The following CRACR2A variants were observed in gnomAD, a reference collection of about 807,000 sequenced individuals.
CRACR2A encodes the protein calcium release activated channel regulator 2A.
CRACR2A carries 79 observed loss-of-function variants against 90.5 expected under a neutral mutation model. The observed-to-expected ratio is 0.87, with a 90% CI of 0.73 to 1.05. The LOEUF is 1.05. Ranked by LOEUF, CRACR2A falls within the 50% of genes least tolerant of loss-of-function variation. CRACR2A has a pLI of 0.00. For missense variants in CRACR2A, 823 were observed against 897.2 expected (o/e 0.92, Z 1.06); for synonymous variants, 338 against 356.7 (o/e 0.95, Z 0.59).
intron 15 of CRACR2A, among the ~76,000 whole-genome samples, chr12:3,631,048 G>C (rs1336322861): frequency 5.3e-5 from 8 of 152,226 alleles, no homozygotes; most frequent in Non-Finnish European, 1.2e-4. Context: ...CTGTGACTCT[G>C]TGGCTGTTAT....
chr12:3,648,660 G>C (rs140483672), intron 10 of CRACR2A, 47 bp from the exon 11 acceptor site: 2 of 1,586,206 alleles, frequency 1.3e-6, no homozygotes, highest in Non-Finnish European at 1.7e-6. Context: ...GGTGGAAGCC[G>C]GATGCCCGGA....
intron 3 of CRACR2A, among the ~76,000 whole-genome samples, chr12:3,701,472 A>C (rs996424813): frequency 6.6e-6 from 1 of 152,208 alleles, no homozygotes; most frequent in African/African-American, 2.4e-5. Flanking sequence ...CAATAGTAGC[A>C]ATGTGAGGTG....
Position 3,677,529 on chromosome 12 carries a change from C to T in CRACR2A, c.524+1386G>A, listed in dbSNP as rs143852820. On this transcript the variant is annotated intron_variant, in intron 6 of 19. Coordinates refer to ENST00000440314, the MANE Select transcript of CRACR2A (RefSeq NM_001144958.2). ...CTGCTACCCTGCAGTGAGGGCTGGG[C>T]AGAGAGGCCCCTTCCTTCCGTTACG... is the stretch of plus-strand genomic sequence containing the variant. Among the ~76,000 whole-genome samples the T allele has an allele frequency of 5.2e-4, 79 of 152,304 alleles. 1 individual carries two copies. The East Asian group carries it at 0.013, about 24-fold the overall frequency.
intron 1 of CRACR2A, among the ~76,000 whole-genome samples, chr12:3,735,467 A>G (rs1443752595): frequency 6.6e-6 from 1 of 152,272 alleles, no homozygotes; most frequent in Non-Finnish European, 1.5e-5. Flanking sequence ...GTAAGTAAAT[A>G]GTAATAAAAT....
Position 3,746,646 on chromosome 12 carries a change from T to C in CRACR2A, c.-387+6369A>G, listed in dbSNP as rs1946631965. ...CCTCAAAGGGAGTATGCATGCCTAC[T>C]ACAGGGACCACCCCTCTCTTCTTAG... On this transcript the variant is annotated intron_variant, in intron 1 of 19. Transcript: ENST00000440314. The surrounding 1 kb of genome is among the most constrained non-coding windows in gnomAD (Gnocchi z 4.4). Among the ~76,000 whole-genome samples, 3 of 152,232 alleles carry C rather than the reference T, an allele frequency of 2.0e-5. No individual in the cohort carries two copies. The highest frequency in any genetic ancestry group is 2.0e-4 in the Admixed American group (3 of 15,280).
At chr12:3,694,652 A>T (rs1945707306) in intron 4 of CRACR2A, among the ~76,000 whole-genome samples, 1 of 152,146 alleles carries the variant, frequency 6.6e-6, no homozygotes. Context: ...ACAGCTGACC[A>T]TGAGAAGCCT....
At chr12:3,644,564 C>A in intron 12 of CRACR2A, 31 bp downstream of exon 12, 2 of 1,550,146 alleles carry the variant, frequency 1.3e-6, no homozygotes, top group African/African-American at 1.4e-5. Context: ...GCCCTTGGTC[C>A]CCCACAGGTA....
chr12:3,630,360 G>A (rs1378747873), intron 15 of CRACR2A, among the ~76,000 whole-genome samples: 3 of 152,182 alleles, frequency 2.0e-5, no homozygotes, highest in African/African-American at 7.2e-5. Flanking sequence ...GCCCTGAGCT[G>A]TCATAAGGCA....
At chr12:3,729,839 G>A (rs1946332221) in intron 2 of CRACR2A, 1 of 152,254 alleles carries the variant, frequency 6.6e-6, no homozygotes, top group African/African-American at 2.4e-5. Flanking sequence ...ACTTCACTCT[G>A]CTACTGTTTC....
chr12:3,676,589 T>A (rs242034), intron 6 of CRACR2A, among the ~76,000 whole-genome samples: 56,016 of 152,084 alleles, frequency 0.37, 10,696 homozygotes, highest in Middle Eastern at 0.47. Context: ...TCACCCTTCC[T>A]GCCATATGAG....
intron 17 of CRACR2A, among the ~76,000 whole-genome samples, chr12:3,624,730 G>T (rs1187090200): frequency 6.6e-6 from 1 of 152,170 alleles, no homozygotes; most frequent in African/African-American, 2.4e-5. Context: ...CTACTCACAG[G>T]GTCATCCCTG....
intron 1 of CRACR2A, among the ~76,000 whole-genome samples, chr12:3,750,860 G>T (rs182249260): frequency 1.5e-3 from 232 of 152,284 alleles, no homozygotes; most frequent in Middle Eastern, 3.4e-3. Flanking sequence ...GATGGCTACT[G>T]CGGCCACTGC....
chr12:3,749,042 C>T (rs1427579449), intron 1 of CRACR2A, among the ~76,000 whole-genome samples: 1 of 152,230 alleles, frequency 6.6e-6, no homozygotes, highest in Non-Finnish European at 1.5e-5. Flanking sequence ...CAAATCCTGC[C>T]TCTACCGTGT....
intron 1 of CRACR2A, among the ~76,000 whole-genome samples, chr12:3,738,933 G>A (rs913599416): frequency 6.6e-6 from 1 of 152,074 alleles, no homozygotes; most frequent in African/African-American, 2.4e-5. Context: ...GAAGGCAGTG[G>A]TAAAATACCT....
In CRACR2A at chr12:3,749,928, T is replaced by A. The variant is rs1320404423; in HGVS notation, c.-387+3087A>T. On this transcript the variant is annotated intron_variant, in intron 1 of 19. Coordinates refer to ENST00000440314, the MANE Select transcript of CRACR2A (RefSeq NM_001144958.2). ...CTATAGAACTGTCCCCAGGGCTATT[T>A]TTTTTATTTTTTATTTTTATTTTTT... Among the ~76,000 whole-genome samples, 4 of 151,928 alleles carry A rather than the reference T, an allele frequency of 2.6e-5. No individual in the cohort carries two copies. The East Asian group carries it at 7.7e-4, about 29-fold the overall frequency.
intron 4 of CRACR2A, among the ~76,000 whole-genome samples, chr12:3,687,356 G>A (rs1405095527): frequency 6.6e-6 from 1 of 151,914 alleles, no homozygotes; most frequent in Non-Finnish European, 1.5e-5. Context: ...ATCCTCCACT[G>A]TCCAACCAGC....
intron 7 of CRACR2A, among the ~76,000 whole-genome samples, chr12:3,664,419 TAA>T (rs1369326747): frequency 6.6e-6 from 1 of 152,244 alleles, no homozygotes; most frequent in African/African-American, 2.4e-5. Context: ...GCAAATTTGT[TAA>T]AGTCTAAAGT....
intron 2 of CRACR2A, among the ~76,000 whole-genome samples, chr12:3,715,232 G>C (rs185130413): frequency 2.0e-5 from 3 of 152,354 alleles, no homozygotes; most frequent in Non-Finnish European, 4.4e-5. Context: ...ATAAATCATG[G>C]TAACTGCAGT....
chr12:3,717,140 T>G (rs1946093785), intron 2 of CRACR2A, among the ~76,000 whole-genome samples: 1 of 152,120 alleles, frequency 6.6e-6, no homozygotes, highest in Non-Finnish European at 1.5e-5. Context: ...CTCTTCAGGA[T>G]AATCCCATTT....
Sources: allele counts gnomAD v4.1 joint callset (sites outside exome capture counted in the v4.1 genomes callset), GRCh38; gene constraint gnomAD v4.1.1; non-coding constraint Gnocchi (gnomAD v3.1); transcripts MANE v1.5; gene names NCBI Gene and HGNC (gene_info 2026-07-23, HGNC 2026-07-21).